The following TTK variants were observed in gnomAD, a reference collection of about 807,000 sequenced individuals.
The protein encoded by TTK is dual specificity protein kinase TTK.
TTK carries 59 observed loss-of-function variants against 117.3 expected under a neutral mutation model. That is an observed-to-expected ratio of 0.50 (90% CI 0.41 to 0.62). The LOEUF (loss-of-function observed/expected upper bound fraction) is 0.62, where lower values mean the gene tolerates loss of function less well. Ranked by LOEUF, TTK falls within the 20% of genes least tolerant of loss-of-function variation. TTK has a pLI of 0.00. For synonymous variants in TTK, 302 were observed against 325.0 expected (o/e 0.93, Z 0.76); for missense variants, 921 against 989.4 (o/e 0.93, Z 0.93).
chr6:80,026,165 A>G (rs1213481447), intron 11 of TTK, among the ~76,000 whole-genome samples: 1 of 152,166 alleles, frequency 6.6e-6, no homozygotes, highest in Non-Finnish European at 1.5e-5. Flanking sequence ...CATCAGTTTG[A>G]GCAGAATGCA....
At chr6:80,024,869 A>G (rs916849325) in intron 11 of TTK, among the ~76,000 whole-genome samples, 5 of 151,888 alleles carry the variant, frequency 3.3e-5, no homozygotes, top group Non-Finnish European at 7.4e-5. Flanking sequence ...TGTCCAGACC[A>G]TTTCTTCCTC....
intron 16 of TTK, among the ~76,000 whole-genome samples, chr6:80,035,719 T>C (rs1329775170): frequency 6.6e-6 from 1 of 152,118 alleles, no homozygotes; most frequent in East Asian, 1.9e-4. Flanking sequence ...TCTAAGACTT[T>C]GGGGTTCAGG....
intron 10 of TTK, among the ~76,000 whole-genome samples, chr6:80,017,335 T>C (rs1297850436): frequency 6.6e-6 from 1 of 152,226 alleles, no homozygotes; most frequent in Non-Finnish European, 1.5e-5. Flanking sequence ...TGCAGTGCAG[T>C]GGTGCAATCA....
chr6:80,036,896 T>G (rs2127683315), intron 17 of TTK, among the ~76,000 whole-genome samples: 1 of 152,164 alleles, frequency 6.6e-6, no homozygotes, highest in Non-Finnish European at 1.5e-5. Context: ...GACCTGAAAA[T>G]TTGGCTCAGA....
chr6:80,016,092 A>G (rs1190788633), intron 10 of TTK, among the ~76,000 whole-genome samples: 1 of 152,244 alleles, frequency 6.6e-6, no homozygotes, highest in Non-Finnish European at 1.5e-5. Flanking sequence ...ATTGCCGTAT[A>G]CTATTTAACT....
intron 14 of TTK, among the ~76,000 whole-genome samples, chr6:80,032,192 A>T (rs2127681021): frequency 6.6e-6 from 1 of 152,074 alleles, no homozygotes; most frequent in South Asian, 2.1e-4. Flanking sequence ...AATGACCTCC[A>T]TTTTTTTGCC....
intron 10 of TTK, among the ~76,000 whole-genome samples, chr6:80,016,097 TTAAC>T (rs1166091861): frequency 5.9e-5 from 9 of 152,364 alleles, no homozygotes; most frequent in South Asian, 4.1e-4. Context: ...CGTATACTAT[TTAAC>T]TAGTGTAAAT....
chr6:80,033,202 G>T (rs774155599), intron 14 of TTK, among the ~76,000 whole-genome samples: 1 of 152,078 alleles, frequency 6.6e-6, no homozygotes, highest in Non-Finnish European at 1.5e-5. Context: ...TTTAGATTTC[G>T]CATATAAGTG....
chr6:80,022,142 G>A (rs1767477374), intron 10 of TTK, among the ~76,000 whole-genome samples, 182 bp from the exon 11 acceptor site: 1 of 152,180 alleles, frequency 6.6e-6, no homozygotes, highest in Admixed American at 6.5e-5. Flanking sequence ...GTGCAACTTT[G>A]TGAAATTGAC....
At chr6:80,008,989 T>C (rs1312674203) in intron 4 of TTK, among the ~76,000 whole-genome samples, 1 of 144,780 alleles carries the variant, frequency 6.9e-6, no homozygotes, top group East Asian at 2.2e-4. Flanking sequence ...GGTAGTTCTT[T>C]AAAATAAAAA....
chr6:80,014,679 G>GTGAA, intron 10 of TTK, 93 bp downstream of exon 10: 1 of 1,258,410 alleles, frequency 7.9e-7, no homozygotes, highest in Non-Finnish European at 1.1e-6. Flanking sequence ...GAATTATGAT[G>GTGAA]TGAAACTGTG....
At chr6:80,029,166 G>A (rs1212714186) in intron 13 of TTK, among the ~76,000 whole-genome samples, 3 of 152,138 alleles carry the variant, frequency 2.0e-5, no homozygotes, top group Non-Finnish European at 4.4e-5. Flanking sequence ...TGGTTGTCAG[G>A]GAAGGGAGGA....
Position 80,013,302 on chromosome 6 carries a change from G to A in TTK, c.920G>A (p.Arg307Gln), listed in dbSNP as rs760331674. The stretch of plus-strand genomic sequence containing the variant: ...AGACAAACCTCTAGATCAGAATGCC[G>A]AGATTTGGTTGTGCCTGGATCTAAA... ...MKRQTSRSEC[R>Q]DLVVPGSKPS... The change falls in exon 9 of 22, where the codon CGA becomes CAA. Residue 307 changes from arginine to glutamine, a missense_variant. Physicochemically the swap from Arg to Gln is conservative, Grantham distance 43 (BLOSUM62 1). Transcript: ENST00000369798. 6.2e-6 allele frequency: 10 copies of A among 1,600,274 alleles called. No homozygotes were observed. In the Admixed American group the frequency reaches 8.8e-5, roughly 14 times the overall value.
At chr6:80,012,405 T>C (rs1401178231) in intron 8 of TTK, among the ~76,000 whole-genome samples, 2 of 151,932 alleles carry the variant, frequency 1.3e-5, no homozygotes, top group Non-Finnish European at 2.9e-5. Flanking sequence ...ATTCTTTTGC[T>C]TGAGTCTAGT....
intron 4 of TTK, among the ~76,000 whole-genome samples, chr6:80,009,872 G>T (rs1023983836): frequency 2.0e-5 from 3 of 152,024 alleles, no homozygotes; most frequent in African/African-American, 7.2e-5. Context: ...GATTCTTAAA[G>T]AAATCTCTGA....
intron 13 of TTK, among the ~76,000 whole-genome samples, chr6:80,028,490 G>A (rs1582105962): frequency 6.6e-6 from 1 of 151,618 alleles, no homozygotes; most frequent in South Asian, 2.1e-4. Context: ...GCTAATTTTT[G>A]TATTTTTACT....
chr6:80,021,597 G>C (rs1057323818), intron 10 of TTK, among the ~76,000 whole-genome samples: 2 of 152,226 alleles, frequency 1.3e-5, no homozygotes, highest in Non-Finnish European at 2.9e-5. Flanking sequence ...TTTTTGGGCT[G>C]AGTGAAGGGG....
rs1767175239 is a variant in TTK, at chr6:80,012,064, ATAGTAATTATGATTAAATTTTTATT to A, written c.896+85_896+109del. 19 of 1,023,682 alleles carry A rather than the reference ATAGTAATTATGATTAAATTTTTATT, an allele frequency of 1.9e-5. No individual in the cohort carries two copies. The African/African-American group carries it at 2.9e-4, about 16-fold the overall frequency. The allele number at this position is 1,023,682 out of a possible 1,614,324, so 63.4% of individuals were successfully genotyped here. On this transcript the variant is annotated intron_variant, in intron 8 of 21. Transcript: ENST00000369798. ...TGGTCTTAAAGTCTTTTACTGAGTA[ATAGTAATTATGATTAAATTTTTATT>A]CAGTTTTAGAAGATAATCTCTAAAT...
At position 80,011,735 on chromosome 6, in the gene TTK, C is replaced by T; in HGVS notation, c.735C>T (p.Asn245=). ...GTATTTTCTTTCTGTTTAGAGAGAA[C>T]ATGCCACCACAAGATGCAGAAATAG... ...TTKARFLYGE[N]MPPQDAEIGY... The change falls in exon 7 of 22, where the codon AAC becomes AAT. Residue 245 remains asparagine (N), a synonymous_variant. Coordinates refer to ENST00000369798, the MANE Select transcript of TTK (RefSeq NM_003318.5). 1 of 1,612,486 alleles carries T rather than the reference C, an allele frequency of 6.2e-7. No homozygotes were observed. The highest frequency in any genetic ancestry group is 1.1e-5 in the South Asian group (1 of 90,988).
Sources: gnomAD v4.1 joint callset for allele counts (sites outside exome capture counted in the v4.1 genomes callset) on GRCh38, gnomAD v4.1.1 for gene constraint, MANE v1.5 for transcripts, NCBI Gene and HGNC (gene_info 2026-07-23, HGNC 2026-07-21) for gene names.